The following SAMD12 variants were observed in gnomAD, a reference collection of about 807,000 sequenced individuals.
SAMD12 encodes the protein sterile alpha motif domain-containing protein 12.
Under a neutral mutation model 15.0 loss-of-function variants are expected in SAMD12, and 9 were observed. The observed-to-expected ratio is 0.60, with a 90% CI of 0.36 to 1.05. The LOEUF is 1.05. SAMD12 is among the 50% of genes least tolerant of loss of function. The probability of loss-of-function intolerance (pLI) is 0.01; values close to 1 mark genes in which losing one functional copy is unlikely to be tolerated. For synonymous variants in SAMD12, 86 were observed against 90.1 expected, an observed-to-expected ratio of 0.96 and a Z score of 0.25; for missense variants, 230 against 234.2, an observed-to-expected ratio of 0.98 and a Z score of 0.12.
At chr8:118,572,608 AAG>A (rs1221683049) in intron 2 of SAMD12, among the ~76,000 whole-genome samples, 2 of 152,102 alleles carry the variant, frequency 1.3e-5, no homozygotes, top group Admixed American at 6.5e-5. Context: ...TATTTAAAAA[AAG>A]GAGTTCCCCT....
intron 2 of SAMD12, among the ~76,000 whole-genome samples, chr8:118,577,626 T>C (rs1168743970): frequency 2.0e-5 from 3 of 152,172 alleles, no homozygotes; most frequent in Non-Finnish European, 4.4e-5. Context: ...TTGATTTGCA[T>C]AATCAGTCAG....
intron 2 of SAMD12, among the ~76,000 whole-genome samples, chr8:118,580,116 A>T (rs1464878460): frequency 6.6e-6 from 1 of 152,162 alleles, no homozygotes; most frequent in Non-Finnish European, 1.5e-5. Flanking sequence ...TTAGGGTTCT[A>T]TTTACTATTG....
intron 3 of SAMD12, among the ~76,000 whole-genome samples, chr8:118,417,410 C>T (rs1821755009): frequency 6.6e-6 from 1 of 152,058 alleles, no homozygotes; most frequent in South Asian, 2.1e-4. Context: ...AGAAGGAGCC[C>T]AAATTCCTTC....
At chr8:118,225,952 C>G (rs1812180059) in intron 4 of SAMD12, among the ~76,000 whole-genome samples, 2 of 152,128 alleles carry the variant, frequency 1.3e-5, no homozygotes, top group African/African-American at 4.8e-5. Flanking sequence ...TCCTCAGGCT[C>G]TGCAGGAACT....
At chr8:118,302,000 A>G (rs1188147742) in intron 4 of SAMD12, among the ~76,000 whole-genome samples, 1 of 151,900 alleles carries the variant, frequency 6.6e-6, no homozygotes, top group Non-Finnish European at 1.5e-5. Flanking sequence ...GGACAATAAT[A>G]AGACCAGTAT....
intron 4 of SAMD12, among the ~76,000 whole-genome samples, chr8:118,282,864 A>G (rs1199837755): frequency 6.6e-6 from 1 of 152,052 alleles, no homozygotes; most frequent in African/African-American, 2.4e-5. Context: ...GTGTGTGTGT[A>G]GCTGTATGTA....
intron 3 of SAMD12, among the ~76,000 whole-genome samples, chr8:118,432,631 A>G (rs11986465): frequency 3.9e-5 from 6 of 152,196 alleles, no homozygotes; most frequent in African/African-American, 1.4e-4. Flanking sequence ...GGAACTAGAG[A>G]TGAGATACTC....
At chr8:118,151,752 C>G in the SAMD12 span, among the ~76,000 whole-genome samples, 1 of 151,672 alleles carries the variant, frequency 6.6e-6, no homozygotes, top group Non-Finnish European at 1.5e-5. Context: ...ATGGCATGAA[C>G]CCGGGAAGCA....
chr8:118,326,456 A>G (rs1051154690), intron 4 of SAMD12, among the ~76,000 whole-genome samples: 7 of 152,138 alleles, frequency 4.6e-5, no homozygotes, highest in African/African-American at 1.4e-4. Context: ...TGACTGAGTG[A>G]CTTACATTGC....
intron 2 of SAMD12, among the ~76,000 whole-genome samples, chr8:118,574,130 C>T (rs1011390087): frequency 6.6e-6 from 1 of 152,148 alleles, no homozygotes; most frequent in Non-Finnish European, 1.5e-5. Flanking sequence ...ACTAGCTGAA[C>T]AATGATCAAG....
At chr8:118,132,566 T>C in the SAMD12 span, among the ~76,000 whole-genome samples, 1 of 152,074 alleles carries the variant, frequency 6.6e-6, no homozygotes, top group Non-Finnish European at 1.5e-5. Context: ...ATCTGGAAAA[T>C]GTGACAATAT....
At chr8:118,345,241 A>C (rs1817576410) in intron 4 of SAMD12, among the ~76,000 whole-genome samples, 1 of 152,248 alleles carries the variant, frequency 6.6e-6, no homozygotes, top group African/African-American at 2.4e-5. Flanking sequence ...ACAGGTTTGC[A>C]GCCTATAGCA....
chr8:118,499,924 G>T (rs529695739), intron 2 of SAMD12, among the ~76,000 whole-genome samples: 1 of 151,942 alleles, frequency 6.6e-6, no homozygotes, highest in Non-Finnish European at 1.5e-5. Context: ...CCTCTATGCC[G>T]GCACAACAAA....
chr8:118,252,191 T>C (rs963328425), intron 4 of SAMD12, among the ~76,000 whole-genome samples: 12 of 152,176 alleles, frequency 7.9e-5, no homozygotes, highest in Admixed American at 3.9e-4. Context: ...TTCTTCCTTA[T>C]GCTCATTTAG....
intron 2 of SAMD12, among the ~76,000 whole-genome samples, chr8:118,485,831 T>C (rs906150466): frequency 9.2e-5 from 14 of 152,248 alleles, no homozygotes; most frequent in Admixed American, 2.6e-4. Context: ...GACTGGTTTT[T>C]ATCCTCAACT....
At chr8:118,548,418 CA>C (rs1563576397) in intron 2 of SAMD12, among the ~76,000 whole-genome samples, 83 of 145,388 alleles carry the variant, frequency 5.7e-4, no homozygotes, top group African/African-American at 1.4e-3. Context: ...CACACACACA[CA>C]CACACCCCAT....
chr8:118,588,760 C>G lies in SAMD12; in HGVS notation c.14-7867G>C, dbSNP rs118172008. 6.3e-3 allele frequency among the ~76,000 whole-genome samples: 956 copies of G among 152,254 alleles called. 3 individuals are homozygous for G. Among genetic ancestry groups the G allele is most frequent in the Non-Finnish European group, 0.01 (702 of 68,026 alleles). On this transcript the variant is annotated intron_variant, in intron 1 of 3. Coordinates refer to ENST00000314727, the MANE Select transcript of SAMD12 (RefSeq NM_207506.3). ...ATAACCCCAGCCTCCTTTACTCTAGCAACATCAAGGAAGAACTTATGGGTC... is the reference window on the plus strand; with the variant it reads ...ATAACCCCAGCCTCCTTTACTCTAGGAACATCAAGGAAGAACTTATGGGTC...
the SAMD12 span, among the ~76,000 whole-genome samples, chr8:118,135,798 C>G: frequency 1.3e-5 from 2 of 152,134 alleles, no homozygotes; most frequent in African/African-American, 4.8e-5. Flanking sequence ...GGCCTGCTGC[C>G]TTGGCCTTCC....
intron 2 of SAMD12, among the ~76,000 whole-genome samples, chr8:118,499,699 T>C (rs953848503): frequency 2.0e-5 from 3 of 152,152 alleles, no homozygotes; most frequent in Admixed American, 1.3e-4. Flanking sequence ...TGCTAAAAAG[T>C]CAGTGTGGAT....
Sources: allele counts gnomAD v4.1 joint callset (sites outside exome capture counted in the v4.1 genomes callset), GRCh38; gene constraint gnomAD v4.1.1; transcripts MANE v1.5; gene names NCBI Gene and HGNC (gene_info 2026-07-23, HGNC 2026-07-21).